IMPG2: variants seen among roughly 807,000 people sequenced by gnomAD.
The protein encoded by IMPG2 is IPM 200.
IMPG2 carries 91 observed loss-of-function variants against 129.2 expected under a neutral mutation model. That is an observed-to-expected ratio of 0.70 (90% CI 0.59 to 0.84). The LOEUF (loss-of-function observed/expected upper bound fraction) is 0.84. IMPG2 is among the 40% of genes least tolerant of loss of function. IMPG2 has a pLI of 0.00. For synonymous variants in IMPG2, 510 were observed against 517.7 expected (o/e 0.99, Z 0.20); for missense variants, 1,430 against 1,461.7 (o/e 0.98, Z 0.35).
rs1475705877 is a variant in IMPG2, at chr3:101,222,865, TACC to T, written c.*4101_*4103del. The T allele has an allele frequency of 6.6e-6, 1 of 152,214 alleles. No individual in the cohort carries two copies. Among genetic ancestry groups the T allele is most frequent in the Non-Finnish European group, 1.5e-5 (1 of 68,038 alleles). The allele number at this position is 152,214 out of a possible 1,614,324, so 9.4% of individuals were successfully genotyped here. On this transcript the variant is annotated 3_prime_UTR_variant, in exon 19 of 19. Coordinates refer to ENST00000193391, the MANE Select transcript of IMPG2 (RefSeq NM_016247.4). ...GAAAAATTATACCTGTATTCTCTGA[TACC>T]ACAATTATTTTTTCTATATATAATC... is the stretch of plus-strand genomic sequence containing the variant.
At chr3:101,236,755 A>G (rs1216695151) in intron 14 of IMPG2, among the ~76,000 whole-genome samples, 1 of 152,168 alleles carries the variant, frequency 6.6e-6, no homozygotes, top group Non-Finnish European at 1.5e-5. Context: ...CTCAGTTTCA[A>G]GCAAAAAACT....
Position 101,318,165 on chromosome 3 carries a change from A to AATC in IMPG2, c.334+1418_334+1419insGAT, listed in dbSNP as rs1420209993. Among the ~76,000 whole-genome samples, 204 of 144,244 alleles carry AATC rather than the reference A, an allele frequency of 1.4e-3. 1 individual carries two copies. The highest frequency in any genetic ancestry group is 5.1e-3 in the African/African-American group (197 of 38,342). The allele number at this position is 144,244 out of a possible 152,430, so 94.6% of individuals were successfully genotyped here. A position where few individuals can be genotyped will look rare whatever the true frequency, so the allele number is the denominator to read the frequency against. On this transcript the variant is annotated intron_variant, in intron 2 of 18. Coordinates refer to ENST00000193391, the MANE Select transcript of IMPG2 (RefSeq NM_016247.4). ...AATAGTAATAAATAATAATAATAAT[A>AATC]ATAATAATAATAATAATAATAATAT...
intron 7 of IMPG2, 61 bp downstream of exon 7, chr3:101,273,520 G>C: frequency 6.5e-7 from 1 of 1,531,462 alleles, no homozygotes; most frequent in Non-Finnish European, 9.0e-7. Flanking sequence ...ACAGTGTTGT[G>C]AATATAGGAA....
chr3:101,285,242 T>C (rs1706932132), intron 4 of IMPG2, among the ~76,000 whole-genome samples: 1 of 152,220 alleles, frequency 6.6e-6, no homozygotes, highest in African/African-American at 2.4e-5. Flanking sequence ...ATTCCTCTAC[T>C]GGTCCATCTT....
intron 3 of IMPG2, among the ~76,000 whole-genome samples, chr3:101,293,688 T>C (rs1179512328): frequency 6.6e-6 from 1 of 152,226 alleles, no homozygotes; most frequent in Non-Finnish European, 1.5e-5. Flanking sequence ...CTTTGTCCAA[T>C]AGAAGGCTGC....
At chr3:101,253,327 G>A (rs553717078) in intron 11 of IMPG2, among the ~76,000 whole-genome samples, 38 of 152,088 alleles carry the variant, frequency 2.5e-4, no homozygotes, top group African/African-American at 5.1e-4. Flanking sequence ...AAAAATCTAC[G>A]CTCTATACCT....
chr3:101,226,341 G>A lies in IMPG2; in HGVS notation c.*628C>T, dbSNP rs1559637858. On this transcript the variant is annotated 3_prime_UTR_variant, in exon 19 of 19. Transcript: ENST00000193391. ...AACATAGTTAACATAACAATAACATGGTCTTGATTAATATGCTCAGGAAAT... is the reference window on the plus strand; with the variant it reads ...AACATAGTTAACATAACAATAACATAGTCTTGATTAATATGCTCAGGAAAT... 2 of 134,016 alleles carry A rather than the reference G, an allele frequency of 1.5e-5. No individual in the cohort carries two copies. The highest frequency in any genetic ancestry group is 4.5e-4 in the East Asian group (2 of 4,468). The allele number at this position is 134,016 out of a possible 1,614,324, so 8.3% of individuals were successfully genotyped here. A position where few individuals can be genotyped will look rare whatever the true frequency, so the allele number is the denominator to read the frequency against.
intron 4 of IMPG2, among the ~76,000 whole-genome samples, chr3:101,286,023 A>G (rs1450411968): frequency 1.3e-5 from 2 of 152,154 alleles, no homozygotes; most frequent in Non-Finnish European, 2.9e-5. Flanking sequence ...CATATGCATT[A>G]TAGCATAGGG....
intron 3 of IMPG2, among the ~76,000 whole-genome samples, chr3:101,300,932 A>G (rs1369811681): frequency 6.6e-6 from 1 of 152,174 alleles, no homozygotes; most frequent in Non-Finnish European, 1.5e-5. Context: ...ATACTTAATC[A>G]TTTCTAACTT....
intron 6 of IMPG2, 57 bp from the exon 7 acceptor site, chr3:101,273,799 C>T: frequency 1.3e-6 from 2 of 1,488,386 alleles, no homozygotes; most frequent in Non-Finnish European, 1.9e-6. Flanking sequence ...AATCAACAAA[C>T]ATTTATTGAT....
intron 2 of IMPG2, among the ~76,000 whole-genome samples, chr3:101,309,358 A>G (rs1449294385): frequency 6.6e-6 from 1 of 152,218 alleles, no homozygotes; most frequent in Non-Finnish European, 1.5e-5. Context: ...TATAAAGGAA[A>G]GAGATTTAAA....
chr3:101,313,784 G>A (rs1000421307), intron 2 of IMPG2, among the ~76,000 whole-genome samples: 1 of 152,076 alleles, frequency 6.6e-6, no homozygotes, highest in African/African-American at 2.4e-5. Flanking sequence ...CATAGAAATT[G>A]TTAAGTAGTA....
At chr3:101,269,719 A>G in intron 7 of IMPG2, 146 bp from the exon 8 acceptor site, 1 of 533,732 alleles carries the variant, frequency 1.9e-6, no homozygotes, top group Non-Finnish European at 3.4e-6. Flanking sequence ...CAGGTCAGAA[A>G]ATGAAAGAAA....
At chr3:101,237,536 T>G (rs1414489497) in intron 14 of IMPG2, among the ~76,000 whole-genome samples, 1 of 152,154 alleles carries the variant, frequency 6.6e-6, no homozygotes, top group Non-Finnish European at 1.5e-5. Context: ...CAGCAATCTT[T>G]GCTGTTCCGC....
At chr3:101,314,397 T>G (rs2058772757) in intron 2 of IMPG2, among the ~76,000 whole-genome samples, 1 of 152,238 alleles carries the variant, frequency 6.6e-6, no homozygotes, top group South Asian at 2.1e-4. Context: ...TAACCATATA[T>G]ATCAGTCAAG....
chr3:101,242,637 G>T, intron 14 of IMPG2, 51 bp downstream of exon 14: 1 of 1,329,854 alleles, frequency 7.5e-7, no homozygotes, highest in Non-Finnish European at 1.1e-6. Flanking sequence ...AAACACACAA[G>T]AATAATCACT....
chr3:101,291,933 C>T (rs1010583873), intron 3 of IMPG2, among the ~76,000 whole-genome samples: 9 of 152,134 alleles, frequency 5.9e-5, no homozygotes, highest in Non-Finnish European at 1.3e-4. Flanking sequence ...ATGTTTGTTT[C>T]TACAGAATTC....
At chr3:101,266,677 ACAACC>A (rs1706723960) in intron 9 of IMPG2, among the ~76,000 whole-genome samples, 3 of 152,326 alleles carry the variant, frequency 2.0e-5, no homozygotes, top group African/African-American at 7.2e-5. Flanking sequence ...CAGTTAGTCA[ACAACC>A]CAGCCATTGT....
At chr3:101,311,189 A>G (rs968880022) in intron 2 of IMPG2, among the ~76,000 whole-genome samples, 9 of 151,734 alleles carry the variant, frequency 5.9e-5, no homozygotes, top group African/African-American at 1.9e-4. Flanking sequence ...TAAAAAAAAA[A>G]AAAAGTGAAA....
Sources: allele counts gnomAD v4.1 joint callset (sites outside exome capture counted in the v4.1 genomes callset), GRCh38; gene constraint gnomAD v4.1.1; transcripts MANE v1.5; gene names NCBI Gene and HGNC (gene_info 2026-07-23, HGNC 2026-07-21).